The following TIAM1 variants were observed in gnomAD, a reference collection of about 807,000 sequenced individuals.
The protein encoded by TIAM1 is TIAM Rac1 associated GEF 1, also known as rho guanine nucleotide exchange factor TIAM1.
TIAM1 carries 65 observed loss-of-function variants against 163.5 expected under a neutral mutation model. The observed-to-expected ratio is 0.40, with a 90% CI of 0.33 to 0.49. TIAM1 has a LOEUF of 0.49. Among genes scored for constraint, TIAM1 ranks in the 20% least tolerant of loss-of-function variants. The pLI is 0.77. For missense variants in TIAM1, 1,789 were observed against 2,044.7 expected, an observed-to-expected ratio of 0.87 and a Z score of 2.41; for synonymous variants, 833 against 810.1, an observed-to-expected ratio of 1.03 and a Z score of -0.48.
At chr21:31,440,512 C>T (rs2044379523) in intron 2 of TIAM1, among the ~76,000 whole-genome samples, 1 of 152,206 alleles carries the variant, frequency 6.6e-6, no homozygotes, top group Non-Finnish European at 1.5e-5. Flanking sequence ...AATACAGATG[C>T]TATCAGGGTT....
At chr21:31,524,220 A>C (rs761999419) in intron 1 of TIAM1, among the ~76,000 whole-genome samples, 1 of 152,196 alleles carries the variant, frequency 6.6e-6, no homozygotes, top group Non-Finnish European at 1.5e-5. Flanking sequence ...ATTGTACAAG[A>C]AGCACGGCTT....
At chr21:31,429,964 G>A (rs1291130279) in intron 2 of TIAM1, among the ~76,000 whole-genome samples, 1 of 152,080 alleles carries the variant, frequency 6.6e-6, no homozygotes, top group African/African-American at 2.4e-5. Context: ...CTAGCACTTT[G>A]GGAGGCCTAG....
At chr21:31,415,120 T>C (rs2043326672) in intron 2 of TIAM1, among the ~76,000 whole-genome samples, 1 of 152,136 alleles carries the variant, frequency 6.6e-6, no homozygotes, top group South Asian at 2.1e-4. Flanking sequence ...GTAAAACAAA[T>C]GGGAGAGCCT....
chr21:31,350,676 C>T (rs2076219961), intron 2 of TIAM1, among the ~76,000 whole-genome samples: 1 of 152,196 alleles, frequency 6.6e-6, no homozygotes, highest in Admixed American at 6.5e-5. Context: ...TCTGCCATAA[C>T]TGTAAGTTTT....
chr21:31,517,595 C>T (rs144143877), intron 1 of TIAM1, among the ~76,000 whole-genome samples: 13 of 152,216 alleles, frequency 8.5e-5, no homozygotes, highest in African/African-American at 3.1e-4. Flanking sequence ...TGGAGCAATA[C>T]AGTCACAGGC....
chr21:31,537,525 G>A (rs944345686), intron 1 of TIAM1, among the ~76,000 whole-genome samples: 1 of 152,042 alleles, frequency 6.6e-6, no homozygotes, highest in African/African-American at 2.4e-5. Context: ...GCTAAGGTGG[G>A]TGGATCGCTC....
chr21:31,239,748 A>G (rs1247982008), intron 6 of TIAM1, among the ~76,000 whole-genome samples: 1 of 152,222 alleles, frequency 6.6e-6, no homozygotes, highest in Non-Finnish European at 1.5e-5. Flanking sequence ...TTCACAAAAG[A>G]TGATATTGAA....
At chr21:31,556,227 A>C (rs1412040888) in intron 1 of TIAM1, among the ~76,000 whole-genome samples, 3 of 152,186 alleles carry the variant, frequency 2.0e-5, no homozygotes, top group Non-Finnish European at 2.9e-5. Flanking sequence ...GTTCAACTTT[A>C]AATAGGTTAT....
intron 4 of TIAM1, among the ~76,000 whole-genome samples, chr21:31,259,412 T>C (rs1465248355): frequency 1.3e-5 from 2 of 151,916 alleles, no homozygotes; most frequent in Non-Finnish European, 2.9e-5. Context: ...GCTGGGATTA[T>C]AGGCATGAGC....
intron 4 of TIAM1, among the ~76,000 whole-genome samples, chr21:31,259,528 T>C (rs537147737): frequency 4.7e-4 from 71 of 152,092 alleles, no homozygotes; most frequent in African/African-American, 1.2e-3. Flanking sequence ...GGAGGATCAC[T>C]TGAGCCCAGG....
At chr21:31,178,023 G>A (rs2084846429) in intron 15 of TIAM1, among the ~76,000 whole-genome samples, 3 of 152,142 alleles carry the variant, frequency 2.0e-5, no homozygotes, top group Non-Finnish European at 4.4e-5. Flanking sequence ...GACTAAGGCT[G>A]TAGTCCATCC....
intron 2 of TIAM1, among the ~76,000 whole-genome samples, chr21:31,400,874 T>C (rs1312937327): frequency 6.6e-6 from 1 of 151,714 alleles, no homozygotes; most frequent in Non-Finnish European, 1.5e-5. Flanking sequence ...GTGGATCACC[T>C]GAGGTCGGCA....
intron 20 of TIAM1, 24 bp downstream of exon 20, chr21:31,146,871 C>T: frequency 6.3e-7 from 1 of 1,594,856 alleles, no homozygotes. Flanking sequence ...CACACCCCCA[C>T]CTCCACATCC....
In TIAM1 at chr21:31,445,067, C is replaced by G. The variant is rs1395311466; in HGVS notation, c.-369+18916G>C. 2.0e-5 allele frequency among the ~76,000 whole-genome samples: 3 copies of G among 152,190 alleles called. No homozygotes were observed. The East Asian group carries it at 5.8e-4, about 29-fold the overall frequency. ...GAACAGAATGCAAAGACAACTACTG[C>G]TTTTGATACAGGCAATTTTATGACC... On this transcript the variant is annotated intron_variant, in intron 2 of 28. Transcript: ENST00000286827.
At chr21:31,209,885 A>G (rs374178868) in intron 11 of TIAM1, among the ~76,000 whole-genome samples, 160 bp downstream of exon 11, 1 of 152,208 alleles carries the variant, frequency 6.6e-6, no homozygotes, top group South Asian at 2.1e-4. Flanking sequence ...ATAATTTTGA[A>G]TACTATCACA....
chr21:31,401,564 T>C (rs1405760687), intron 2 of TIAM1, among the ~76,000 whole-genome samples: 1 of 152,164 alleles, frequency 6.6e-6, no homozygotes, highest in African/African-American at 2.4e-5. Flanking sequence ...CCATCATACA[T>C]ACACCCTTGC....
intron 6 of TIAM1, among the ~76,000 whole-genome samples, chr21:31,243,205 A>ATATATATAT (rs1555902456): frequency 4.8e-5 from 6 of 125,462 alleles, no homozygotes; most frequent in Admixed American, 2.6e-4. Context: ...AAAAAAAAAA[A>ATATATATAT]AAAAATATAT....
chr21:31,256,247 T>A (rs1190708980), intron 4 of TIAM1, among the ~76,000 whole-genome samples: 4 of 152,160 alleles, frequency 2.6e-5, no homozygotes, highest in African/African-American at 9.7e-5. Flanking sequence ...GCTAATGATG[T>A]GCGAACACAA....
At chr21:31,317,406 T>A (rs1299684418) in intron 2 of TIAM1, among the ~76,000 whole-genome samples, 5 of 151,996 alleles carry the variant, frequency 3.3e-5, no homozygotes, top group Admixed American at 3.3e-4. Flanking sequence ...TGAGCCAAGA[T>A]CGCGCCATTG....
Sources: gnomAD v4.1 joint callset for allele counts (sites outside exome capture counted in the v4.1 genomes callset) on GRCh38, gnomAD v4.1.1 for gene constraint, MANE v1.5 for transcripts, NCBI Gene and HGNC (gene_info 2026-07-23, HGNC 2026-07-21) for gene names.